The following CD63 variants were observed in gnomAD, a reference collection of about 807,000 sequenced individuals.
CD63 encodes the protein CD63 molecule, also known as CD63 antigen.
CD63 carries 16 observed loss-of-function variants against 29.2 expected under a neutral mutation model. The observed-to-expected ratio is 0.55, with a 90% confidence interval of 0.37 to 0.83. The LOEUF (loss-of-function observed/expected upper bound fraction) is 0.83. Ranked by LOEUF, CD63 falls within the 40% of genes least tolerant of loss-of-function variation. CD63 has a pLI of 0.00. For synonymous variants in CD63, 118 were observed against 111.7 expected (o/e 1.06, Z -0.36); for missense variants, 251 against 297.3 (o/e 0.84, Z 1.15).
chr12:55,727,018 C>G, intron 3 of CD63, 54 bp from the exon 4 acceptor site: 2 of 1,584,790 alleles, frequency 1.3e-6, no homozygotes, highest in Non-Finnish European at 1.7e-6. Flanking sequence ...TACAGGGGCC[C>G]GTTTTGGCAC....
chr12:55,726,194 A>G lies in CD63; in HGVS notation c.494T>C (p.Val165Ala), dbSNP rs570172603. Residue 165 changes from valine to alanine, a missense_variant, in exon 6 of 8, where the codon GTC becomes GCC. Coordinates refer to ENST00000257857, the MANE Select transcript of CD63 (RefSeq NM_001780.6). ...EKIPSMSKNR[V>A]PDSCCINVTV... Reference sequence around the variant, plus strand: ...AACATTAATGCAGCAGGAGTCGGGGACTCGGTTCTTCGACATGGAAGGGAT... The same window carrying G: ...AACATTAATGCAGCAGGAGTCGGGGGCTCGGTTCTTCGACATGGAAGGGAT... The G allele has an allele frequency of 6.2e-7, 1 of 1,613,570 alleles. No individual in the cohort carries two copies. Among genetic ancestry groups the G allele is most frequent in the Admixed American group, 1.7e-5 (1 of 59,946 alleles).
chr12:55,728,086 T>C lies in CD63; in HGVS notation c.66+190A>G, dbSNP rs570282276. ...GGTTGCTGCACACCCAGGATGGCCA[T>C]TCTCGGTGGAAACAAGCCTCAGGTG... On this transcript the variant is annotated intron_variant, in intron 2 of 7. Transcript: ENST00000257857. The surrounding 1 kb of genome is among the most constrained non-coding windows in gnomAD (Gnocchi z 4.8). Among the ~76,000 whole-genome samples, 1 of 151,958 alleles carries C rather than the reference T, an allele frequency of 6.6e-6. No individual in the cohort carries two copies. Among genetic ancestry groups the C allele is most frequent in the African/African-American group, 2.4e-5 (1 of 41,400 alleles).
downstream of CD63, chr12:55,723,908 A>G: frequency 6.2e-7 from 1 of 1,614,030 alleles, no homozygotes. Context: ...TCATTTTGGG[A>G]TACGAGTCTC....
downstream of CD63, chr12:55,724,574 T>TCAAGGA (rs1025126187): frequency 5.0e-6 from 8 of 1,595,998 alleles, no homozygotes; most frequent in African/African-American, 1.1e-4. Context: ...AGATTGTTTT[T>TCAAGGA]CAAGGACAAG....
Position 55,728,173 on chromosome 12 carries a change from G to T in CD63, c.66+103C>A. 1 of 1,068,512 alleles carries T rather than the reference G, an allele frequency of 9.4e-7. No homozygotes were observed. Among genetic ancestry groups the T allele is most frequent in the South Asian group, 1.4e-5 (1 of 73,984 alleles). The allele number at this position is 1,068,512 out of a possible 1,614,324, so 66.2% of individuals were successfully genotyped here. A position where few individuals can be genotyped will look rare whatever the true frequency, so the allele number is the denominator to read the frequency against. ...TTTCCCTGGCTTTCTTTCCACATCT[G>T]GTCTCCAGCTGCCTTAATTCTCATT... On this transcript the variant is annotated intron_variant, in intron 2 of 7. Coordinates refer to ENST00000257857, the MANE Select transcript of CD63 (RefSeq NM_001780.6). This position sits in a 1 kb window ranked among gnomAD's most constrained non-coding sequence, Gnocchi z 4.8.
At chr12:55,723,757 C>A, downstream of CD63, 2 of 1,028,844 alleles carry the variant, frequency 1.9e-6, no homozygotes, top group Non-Finnish European at 3.0e-6. Flanking sequence ...TGTCCCGGGG[C>A]AGTAGGCATC....
chr12:55,727,235 G>C lies in CD63; in HGVS notation c.171C>G (p.Ile57Met), dbSNP rs1399473900. The C allele has an allele frequency of 1.2e-6, 2 of 1,613,926 alleles. No individual in the cohort carries two copies. Among genetic ancestry groups the C allele is most frequent in the Non-Finnish European group, 1.7e-6 (2 of 1,180,032 alleles). ...ATPGSLLPVV[I>M]IAVGVFLFLV... ...GGAAGAGGAAGACACCCACTGCGATGATGACCACTGGCAACAGAGAGCCAG... is the reference window on the plus strand; with the variant it reads ...GGAAGAGGAAGACACCCACTGCGATCATGACCACTGGCAACAGAGAGCCAG... Residue 57 changes from isoleucine to methionine, a missense_variant, in exon 3 of 8, where the codon ATC (isoleucine) becomes ATG (methionine). Ile to Met is a conservative substitution (Grantham distance 10, BLOSUM62 1). Coordinates refer to ENST00000257857, the MANE Select transcript of CD63 (RefSeq NM_001780.6).
downstream of CD63, chr12:55,724,332 G>A (rs1565655910): frequency 1.2e-6 from 2 of 1,614,190 alleles, no homozygotes; most frequent in Admixed American, 1.7e-5. Flanking sequence ...ACCTGAAAAT[G>A]CAACAGCGCA....
At chr12:55,723,880 C>G, downstream of CD63, 1 of 1,613,536 alleles carries the variant, frequency 6.2e-7, no homozygotes, top group South Asian at 1.1e-5. Context: ...TCTGCCCCGA[C>G]TCTAGGCGGG....
Position 55,727,073 on chromosome 12 carries a change from C to T in CD63, c.255+78G>A, listed in dbSNP as rs547028559. On this transcript the variant is annotated intron_variant, in intron 3 of 7. Transcript: ENST00000257857. ...ACAAAGGTCTTCCTCACCCACCCAC[C>T]TCACCCACCTTCCTGAGCCCGAACC... is the stretch of plus-strand genomic sequence containing the variant. 4 of 1,564,352 alleles carry T rather than the reference C, an allele frequency of 2.6e-6. No individual in the cohort carries two copies. In the African/African-American group the frequency reaches 4.0e-5, roughly 16 times the overall value.
intron 3 of CD63, 72 bp downstream of exon 3, chr12:55,727,079 C>A: frequency 6.4e-7 from 1 of 1,571,306 alleles, no homozygotes; most frequent in South Asian, 1.1e-5. Flanking sequence ...CCACCTCACC[C>A]ACCTTCCTGA....
At chr12:55,724,541 A>G (rs753281982), downstream of CD63, 66 of 1,610,548 alleles carry the variant, frequency 4.1e-5, no homozygotes, top group Non-Finnish European at 5.4e-5. Flanking sequence ...CAAGCAGTCT[A>G]CTGAATCCAG....
chr12:55,723,852 A>G (rs758454779), downstream of CD63: 18 of 1,610,434 alleles, frequency 1.1e-5, no homozygotes, highest in African/African-American at 2.1e-4. Flanking sequence ...CTATAGGGCA[A>G]GAACCCAGCA....
chr12:55,728,491 C>T lies in CD63; in HGVS notation c.-11-139G>A. The T allele has an allele frequency of 6.7e-7, 1 of 1,483,780 alleles. No homozygotes were observed. The highest frequency in any genetic ancestry group is 8.9e-7 in the Non-Finnish European group (1 of 1,119,910). 91.9% of individuals were successfully genotyped at this position (1,483,780 alleles called of 1,614,324 possible). ...CCCACCCGGAAACCCGCGGTCGGAT[C>T]CACGTCTCCCAGCCCCCTCTTTACC... On this transcript the variant is annotated intron_variant, in intron 1 of 7. Coordinates refer to ENST00000257857, the MANE Select transcript of CD63 (RefSeq NM_001780.6). This position sits in a 1 kb window ranked among gnomAD's most constrained non-coding sequence, Gnocchi z 4.8.
chr12:55,724,685 G>A, downstream of CD63: 1 of 853,732 alleles, frequency 1.2e-6, no homozygotes. Flanking sequence ...AAGAAGGTGG[G>A]CAGAAATGTG....
In CD63 at chr12:55,725,473, T is replaced by G; in HGVS notation, c.*88A>C. 2 of 1,054,836 alleles carry G rather than the reference T, an allele frequency of 1.9e-6. No individual in the cohort carries two copies. Among genetic ancestry groups the G allele is most frequent in the Non-Finnish European group, 3.0e-6 (2 of 674,040 alleles). 65.3% of individuals were successfully genotyped at this position (1,054,836 alleles called of 1,614,324 possible). ...TAAGACAAACTCAGACCATCTCTTT[T>G]CGGTCTGAAAAAATAATCCGTTTAA... On this transcript the variant is annotated 3_prime_UTR_variant, in exon 8 of 8. Coordinates refer to ENST00000257857, the MANE Select transcript of CD63 (RefSeq NM_001780.6).
At position 55,726,814 on chromosome 12, in the gene CD63, A is replaced by C; in HGVS notation, c.331-19T>G. 1 of 1,608,040 alleles carries C rather than the reference A, an allele frequency of 6.2e-7. No individual in the cohort carries two copies. Among genetic ancestry groups the C allele is most frequent in the Non-Finnish European group, 8.5e-7 (1 of 1,174,422 alleles). On this transcript the variant is annotated intron_variant, in intron 4 of 7. Coordinates refer to ENST00000257857, the MANE Select transcript of CD63 (RefSeq NM_001780.6). Reference sequence around the variant, plus strand: ...ACATCACCTGAGAGTACGGAGGAGCACTGTTGCAGTCAGAATTCAAGCACC... The same window carrying C: ...ACATCACCTGAGAGTACGGAGGAGCCCTGTTGCAGTCAGAATTCAAGCACC...
chr12:55,727,731 T>C (rs904449009), intron 2 of CD63: 7 of 1,035,470 alleles, frequency 6.8e-6, no homozygotes, highest in Admixed American at 1.0e-4. Context: ...AAGGTTCCTC[T>C]GGCCAGTTAG....
chr12:55,728,446 G>A lies in CD63; in HGVS notation c.-11-94C>T, dbSNP rs552017031. 3.9e-6 allele frequency: 6 copies of A among 1,525,398 alleles called. No homozygotes were observed. Among genetic ancestry groups the A allele is most frequent in the Admixed American group, 2.0e-5 (1 of 49,818 alleles). The allele number at this position is 1,525,398 out of a possible 1,614,324, so 94.5% of individuals were successfully genotyped here. A position where few individuals can be genotyped will look rare whatever the true frequency, so the allele number is the denominator to read the frequency against. On this transcript the variant is annotated intron_variant, in intron 1 of 7. Transcript: ENST00000257857. The surrounding 1 kb of genome is among the most constrained non-coding windows in gnomAD (Gnocchi z 4.8). The stretch of plus-strand genomic sequence containing the variant: ...CCGGCCCTCGAGGGCTTCCCTTCAC[G>A]GCCCCGATTCCCGGCCCCTCCCACC...
Sources: gnomAD v4.1 joint callset for allele counts (sites outside exome capture counted in the v4.1 genomes callset) on GRCh38, gnomAD v4.1.1 for gene constraint, Gnocchi (gnomAD v3.1) non-coding constraint, MANE v1.5 for transcripts, NCBI Gene and HGNC (gene_info 2026-07-23, HGNC 2026-07-21) for gene names.